EP300: variants seen among roughly 807,000 people sequenced by gnomAD.
EP300 encodes EP300 lysine acetyltransferase.
A neutral mutation model predicts 264.0 loss-of-function variants in EP300; 31 were observed. The observed-to-expected ratio is 0.12, with a 90% CI of 0.09 to 0.16. The LOEUF is 0.16. EP300 is among the 10% of genes least tolerant of loss of function. The pLI is 1.00. For missense variants in EP300, 2,766 were observed against 3,052.9 expected (o/e 0.91, Z 2.21); for synonymous variants, 1,340 against 1,045.4 (o/e 1.28, Z -5.44).
Position 41,132,857 on chromosome 22 carries a change from T to C in EP300, c.1528+1224T>C, listed in dbSNP as rs929241507. ...CCTAATTTGGGGATATATATGTTTC[T>C]CTGATTGCATATGATAACATTGGAA... On this transcript the variant is annotated intron_variant, in intron 6 of 30. Transcript: ENST00000263253. 3.3e-5 allele frequency among the ~76,000 whole-genome samples: 5 copies of C among 152,210 alleles called. No individual in the cohort carries two copies. The East Asian group carries it at 9.6e-4, about 29-fold the overall frequency.
At chr22:41,131,166 AT>A (rs2058916999) in intron 5 of EP300, among the ~76,000 whole-genome samples, 1 of 152,212 alleles carries the variant, frequency 6.6e-6, no homozygotes. Flanking sequence ...TGGGAAGGCT[AT>A]TGGGCATTCA....
intron 3 of EP300, among the ~76,000 whole-genome samples, 190 bp from the exon 4 acceptor site, chr22:41,127,296 AT>A (rs1209139612): frequency 1.1e-4 from 16 of 151,452 alleles, no homozygotes; most frequent in Non-Finnish European, 1.9e-4. Flanking sequence ...TCGTAATGTC[AT>A]TTTTTTTCTT....
At position 41,139,871 on chromosome 22, in the gene EP300, A is replaced by C. The variant is rs368785896; in HGVS notation, c.1761-269A>C. ...AAGGCCTGTTTTCCTCACTGTCTTT[A>C]GTATGTAACCCAAAGTAATATTTTG... On this transcript the variant is annotated intron_variant, in intron 8 of 30. Transcript: ENST00000263253. Among the ~76,000 whole-genome samples, 44 of 152,346 alleles carry C rather than the reference A, an allele frequency of 2.9e-4. No homozygotes were observed. In the East Asian group the frequency reaches 7.3e-3, roughly 25 times the overall value.
Position 41,143,886 on chromosome 22 carries a change from AT to A in EP300, c.2053+2671del, listed in dbSNP as rs554096648. ...GAGCCATCACACCTGGCCACGTTTG[AT>A]TTTTTTGTTTTAATACAAAGAATAC... On this transcript the variant is annotated intron_variant, in intron 10 of 30. Transcript: ENST00000263253. Among the ~76,000 whole-genome samples, 16 of 152,216 alleles carry A rather than the reference AT, an allele frequency of 1.1e-4. 2 individuals are homozygous for A. In the South Asian group the frequency reaches 3.3e-3, roughly 32 times the overall value.
In EP300 at chr22:41,164,131, G is replaced by GT. The variant is rs2145756491; in HGVS notation, c.3806+2dup. On this transcript the variant is annotated splice_donor_variant, in intron 22 of 30. Coordinates refer to ENST00000263253, the MANE Select transcript of EP300 (RefSeq NM_001429.4). LOFTEE classifies it high-confidence loss of function. ...ACCATGAGATCATCTGGCCTGCTGG[G>GT]TAAGTCTTAACGTTGTTACTTTCTC... The GT allele has an allele frequency of 6.2e-7, 1 of 1,613,866 alleles. No individual in the cohort carries two copies. The highest frequency in any genetic ancestry group is 2.2e-5 in the East Asian group (1 of 44,874).
chr22:41,100,710 G>T (rs1281122273), intron 1 of EP300, among the ~76,000 whole-genome samples: 1 of 152,080 alleles, frequency 6.6e-6, no homozygotes, highest in Non-Finnish European at 1.5e-5. Context: ...TATATGGGTG[G>T]GTGTGTGTAG....
Position 41,092,618 on chromosome 22 carries a change from G to A in EP300, c.-387G>A. On this transcript the variant is annotated 5_prime_UTR_variant, in exon 1 of 31. Coordinates refer to ENST00000263253, the MANE Select transcript of EP300 (RefSeq NM_001429.4). ...AGAAGGAGGAGGACAGCGCCGAGGA[G>A]GAAGAGGTTGATGGCGGCGGCGGAG... The A allele has an allele frequency of 1.6e-6, 1 of 634,240 alleles. No individual in the cohort carries two copies. The highest frequency in any genetic ancestry group is 2.9e-6 in the Non-Finnish European group (1 of 349,906). The allele number at this position is 634,240 out of a possible 1,614,324, so 39.3% of individuals were successfully genotyped here. A position where few individuals can be genotyped will look rare whatever the true frequency, so the allele number is the denominator to read the frequency against.
At chr22:41,122,098 C>T (rs915218448) in intron 2 of EP300, among the ~76,000 whole-genome samples, 2 of 151,172 alleles carry the variant, frequency 1.3e-5, no homozygotes, top group Non-Finnish European at 1.5e-5. Flanking sequence ...TCTATTGCCC[C>T]TGCAATCTTT....
chr22:41,140,137 C>T lies in EP300; in HGVS notation c.1761-3C>T, dbSNP rs535336394. 1.2e-6 allele frequency: 2 copies of T among 1,608,374 alleles called. No individual in the cohort carries two copies. Among genetic ancestry groups the T allele is most frequent in the Admixed American group, 1.7e-5 (1 of 59,984 alleles). ...TTACAGTGGTAGGATTTTCTTTTTC[C>T]AGCGTCCAAGCCATATTTCCTACGC... On this transcript the variant is annotated splice_region_variant and splice_polypyrimidine_tract_variant and intron_variant, in intron 8 of 30. Coordinates refer to ENST00000263253, the MANE Select transcript of EP300 (RefSeq NM_001429.4).
chr22:41,102,029 CTTTTTTT>C (rs5845488), intron 1 of EP300, among the ~76,000 whole-genome samples: 6 of 119,262 alleles, frequency 5.0e-5, no homozygotes, highest in Non-Finnish European at 7.0e-5. Flanking sequence ...TTTTTCTTTT[CTTTTTTT>C]TTTTTTTTTT....
At chr22:41,096,248 T>G (rs1161305007) in intron 1 of EP300, among the ~76,000 whole-genome samples, 1 of 152,200 alleles carries the variant, frequency 6.6e-6, no homozygotes, top group African/African-American at 2.4e-5. Flanking sequence ...AGGCAAATCC[T>G]GGAAATATCT....
intron 1 of EP300, among the ~76,000 whole-genome samples, chr22:41,098,410 C>CGCCCAGGCTGGAGTGCAGTG (rs2058713716): frequency 6.6e-6 from 1 of 152,180 alleles, no homozygotes; most frequent in Non-Finnish European, 1.5e-5. Context: ...CTCGCTCTGT[C>CGCCCAGGCTGGAGTGCAGTG]GCCCAGGCTG....
At chr22:41,155,719 C>G (rs1269655003) in intron 17 of EP300, among the ~76,000 whole-genome samples, 1 of 152,164 alleles carries the variant, frequency 6.6e-6, no homozygotes, top group African/African-American at 2.4e-5. Context: ...TAAATTGGAA[C>G]ATACAGTATG....
rs772214718 is a variant in EP300 at position 41,092,998 on chromosome 22, A to G, written c.-7A>G. On this transcript the variant is annotated 5_prime_UTR_variant, in exon 1 of 31. Transcript: ENST00000263253. ...TTTCCTCGCTTGTATCTCCGAAAGAATTAAAAATGGCCGAGAATGTGGTGG... is the reference window on the plus strand; with the variant it reads ...TTTCCTCGCTTGTATCTCCGAAAGAGTTAAAAATGGCCGAGAATGTGGTGG... 6.2e-7 allele frequency: 1 copy of G among 1,614,136 alleles called. No individual in the cohort carries two copies. Among genetic ancestry groups the G allele is most frequent in the Non-Finnish European group, 8.5e-7 (1 of 1,180,020 alleles).
chr22:41,173,924 C>G, intron 29 of EP300, 140 bp downstream of exon 29: 1 of 965,510 alleles, frequency 1.0e-6, no homozygotes, highest in Non-Finnish European at 1.6e-6. Flanking sequence ...CCAGCCTGAC[C>G]AACACGGTGA....
intron 23 of EP300, among the ~76,000 whole-genome samples, chr22:41,166,983 AGTTT>A (rs1177025606): frequency 5.3e-5 from 8 of 152,050 alleles, no homozygotes; most frequent in Non-Finnish European, 8.8e-5. Context: ...GCCATCTCTC[AGTTT>A]GTTTATTTAT....
chr22:41,153,793 T>C (rs1187535853), intron 16 of EP300, among the ~76,000 whole-genome samples: 1 of 152,224 alleles, frequency 6.6e-6, no homozygotes, highest in Non-Finnish European at 1.5e-5. Context: ...CACAAGTTTA[T>C]TCAAATAGTC....
At chr22:41,121,903 A>C (rs576188007) in intron 2 of EP300, among the ~76,000 whole-genome samples, 12 of 152,248 alleles carry the variant, frequency 7.9e-5, no homozygotes, top group African/African-American at 2.4e-4. Flanking sequence ...TACTATATCT[A>C]TCATGAATTT....
intron 19 of EP300, chr22:41,160,035 G>A (rs2059099027): frequency 8.8e-6 from 1 of 113,504 alleles, no homozygotes; most frequent in South Asian, 3.2e-4. Flanking sequence ...GGGGTGGGGG[G>A]TGGGGGTCTG....
Sources: gnomAD v4.1 joint callset for allele counts (sites outside exome capture counted in the v4.1 genomes callset) on GRCh38, gnomAD v4.1.1 for gene constraint, MANE v1.5 for transcripts, NCBI Gene and HGNC (gene_info 2026-07-23, HGNC 2026-07-21) for gene names.